DYNC2H1: variants seen among roughly 807,000 people sequenced by gnomAD.
DYNC2H1 encodes the protein dynein cytoplasmic 2 heavy chain 1.
In DYNC2H1, 410 loss-of-function variants were observed where a neutral mutation model predicts 570.0. The ratio of observed to expected loss-of-function variants is 0.72; its 90% CI spans 0.66 to 0.78. The LOEUF is 0.78. Among genes scored for constraint, DYNC2H1 ranks in the 30% least tolerant of loss-of-function variants. The pLI is 0.00. For missense variants in DYNC2H1, 4,865 were observed against 5,046.4 expected (o/e 0.96, Z 1.09); for synonymous variants, 1,688 against 1,677.6 (o/e 1.01, Z -0.15).
At chr11:103,389,695 T>G (rs1942050712) in intron 83 of DYNC2H1, among the ~76,000 whole-genome samples, 1 of 151,706 alleles carries the variant, frequency 6.6e-6, no homozygotes, top group Admixed American at 6.6e-5. Context: ...TGGTATGTTG[T>G]GTCTTTGTTC....
At chr11:103,408,412 A>C (rs1942953382) in intron 84 of DYNC2H1, 1 of 152,154 alleles carries the variant, frequency 6.6e-6, no homozygotes, top group African/African-American at 2.4e-5. Context: ...CTGATTTATA[A>C]AGTTTTATGC....
intron 82 of DYNC2H1, among the ~76,000 whole-genome samples, chr11:103,338,271 A>G (rs1565507333): frequency 1.3e-5 from 2 of 151,806 alleles, no homozygotes; most frequent in Admixed American, 6.6e-5. Context: ...TTTGGTTACT[A>G]TAGGTTTCTA....
At chr11:103,364,570 A>G (rs933918706) in intron 83 of DYNC2H1, among the ~76,000 whole-genome samples, 1 of 151,178 alleles carries the variant, frequency 6.6e-6, no homozygotes, top group Non-Finnish European at 1.5e-5. Context: ...AAATATTTGT[A>G]AGACTCTGGT....
chr11:103,403,451 TCTTTAA>T (rs1942725879), intron 84 of DYNC2H1: 1 of 150,986 alleles, frequency 6.6e-6, no homozygotes, highest in Non-Finnish European at 1.5e-5. Flanking sequence ...GACCCCTCAG[TCTTTAA>T]CTTAAAAGGT....
chr11:103,121,640 C>G (rs1468193245), intron 10 of DYNC2H1, 144 bp downstream of exon 10: 4 of 905,342 alleles, frequency 4.4e-6, no homozygotes, highest in Non-Finnish European at 6.3e-6. Flanking sequence ...ATGCAGAACA[C>G]TGAAAAAGTA....
At chr11:103,430,185 A>G (rs1943836844) in intron 84 of DYNC2H1, among the ~76,000 whole-genome samples, 1 of 152,168 alleles carries the variant, frequency 6.6e-6, no homozygotes. Flanking sequence ...TAAGGTTCAT[A>G]CAATAAACAT....
chr11:103,443,499 T>C (rs191696487), intron 85 of DYNC2H1, among the ~76,000 whole-genome samples: 1 of 151,966 alleles, frequency 6.6e-6, no homozygotes, highest in Non-Finnish European at 1.5e-5. Flanking sequence ...CCAATAATAC[T>C]AACTGTTGTA....
chr11:103,367,801 C>T (rs1940978489), intron 83 of DYNC2H1, among the ~76,000 whole-genome samples: 1 of 152,126 alleles, frequency 6.6e-6, no homozygotes, highest in Non-Finnish European at 1.5e-5. Flanking sequence ...AACCGCTGTT[C>T]TACTCTCTGC....
intron 84 of DYNC2H1, among the ~76,000 whole-genome samples, chr11:103,421,374 CTCCACCCAAAAACAACAGAA>C (rs955117929): frequency 2.6e-5 from 4 of 152,130 alleles, no homozygotes; most frequent in Non-Finnish European, 4.4e-5. Flanking sequence ...CTATACGACT[CTCCACCCAAAAACAACAGAA>C]TATACATTCT....
chr11:103,371,337 T>C (rs146460487), intron 83 of DYNC2H1, among the ~76,000 whole-genome samples: 1,977 of 151,944 alleles, frequency 0.013, 44 homozygotes, highest in African/African-American at 0.045. Context: ...CATCTAAGAG[T>C]TATTGGCCTT....
chr11:103,384,363 A>G (rs1224521276), intron 83 of DYNC2H1, among the ~76,000 whole-genome samples: 1 of 152,082 alleles, frequency 6.6e-6, no homozygotes, highest in Non-Finnish European at 1.5e-5. Flanking sequence ...ATCCTAATTT[A>G]TACTTTTAAC....
chr11:103,318,847 T>G (rs1413986883), intron 80 of DYNC2H1, among the ~76,000 whole-genome samples: 1 of 152,164 alleles, frequency 6.6e-6, no homozygotes, highest in Non-Finnish European at 1.5e-5. Context: ...AACAGCATTA[T>G]CAGTATTTTA....
At chr11:103,283,146 G>A (rs1591520859) in intron 73 of DYNC2H1, 61 bp downstream of exon 73, 5 of 1,340,746 alleles carry the variant, frequency 3.7e-6, no homozygotes, top group Non-Finnish European at 5.2e-6. Flanking sequence ...TGTTTCTGTT[G>A]ATACTTTGTG....
intron 83 of DYNC2H1, among the ~76,000 whole-genome samples, chr11:103,390,660 G>C (rs939097078): frequency 1.3e-5 from 2 of 152,174 alleles, no homozygotes; most frequent in African/African-American, 4.8e-5. Context: ...CATGTTGAGT[G>C]CTTCCTTCAG....
At chr11:103,169,145 A>G (rs1213452706) in intron 32 of DYNC2H1, among the ~76,000 whole-genome samples, 185 bp downstream of exon 32, 2 of 152,120 alleles carry the variant, frequency 1.3e-5, no homozygotes, top group African/African-American at 4.8e-5. Flanking sequence ...TTCATTCTAT[A>G]TACAAAAAAG....
chr11:103,274,521 TA>T (rs1435013927), intron 70 of DYNC2H1, among the ~76,000 whole-genome samples: 1 of 152,124 alleles, frequency 6.6e-6, no homozygotes, highest in Non-Finnish European at 1.5e-5. Context: ...TATATGTTAT[TA>T]TAATCATTTT....
In DYNC2H1 at chr11:103,209,941, A is replaced by T. The variant is rs751581019; in HGVS notation, c.8520A>T (p.Glu2840Asp). 6.7e-7 allele frequency: 1 copy of T among 1,497,648 alleles called. No individual in the cohort carries two copies. The highest frequency in any genetic ancestry group is 2.3e-5 in the Admixed American group (1 of 42,940). 92.8% of individuals were successfully genotyped at this position (1,497,648 alleles called of 1,614,324 possible). ...GEKYNDKKRK[E>D]EKKKNSVDPD... ...AATACAATGATAAAAAACGAAAAGAAGAAAAGAAAAAAAATTCAGGTAGTA... is the reference window on the plus strand; with the variant it reads ...AATACAATGATAAAAAACGAAAAGATGAAAAGAAAAAAAATTCAGGTAGTA... The change falls in exon 53 of 89, where the codon GAA (glutamate) becomes GAT (aspartate). Residue 2840 changes from glutamate to aspartate, a missense_variant. Physicochemically the swap from Glu to Asp is conservative, Grantham distance 45. Coordinates refer to ENST00000375735, the MANE Select transcript of DYNC2H1 (RefSeq NM_001377.3). This position sits in a 1 kb window ranked among gnomAD's most constrained non-coding sequence, Gnocchi z 4.2.
chr11:103,455,663 C>T (rs1944762736), intron 86 of DYNC2H1, among the ~76,000 whole-genome samples: 1 of 152,140 alleles, frequency 6.6e-6, no homozygotes, highest in South Asian at 2.1e-4. Flanking sequence ...ATTTAAAGTG[C>T]TCAATATCCA....
rs541518731 is a variant in DYNC2H1 at position 103,252,181 on chromosome 11, C to T, written c.10043-1104C>T. 1.6e-4 allele frequency among the ~76,000 whole-genome samples: 25 copies of T among 151,914 alleles called. No homozygotes were observed. Among genetic ancestry groups the T allele is most frequent in the African/African-American group, 4.8e-4 (20 of 41,432 alleles). ...AACTTCTGGTCTCAAGTGGTACGTC[C>T]GTCTCAACCTCCCAAAATGATGCGA... On this transcript the variant is annotated intron_variant, in intron 65 of 88. Transcript: ENST00000375735. The surrounding 1 kb of genome is among the most constrained non-coding windows in gnomAD (Gnocchi z 4.6).
Sources: allele counts gnomAD v4.1 joint callset (sites outside exome capture counted in the v4.1 genomes callset), GRCh38; gene constraint gnomAD v4.1.1; non-coding constraint Gnocchi (gnomAD v3.1); transcripts MANE v1.5; gene names NCBI Gene and HGNC (gene_info 2026-07-23, HGNC 2026-07-21).